Variants in SNTG1 observed in about 807,000 individuals in gnomAD.
The protein encoded by SNTG1 is gamma-1-syntrophin.
SNTG1 carries 39 observed loss-of-function variants against 74.7 expected under a neutral mutation model. The observed-to-expected ratio is 0.52, with a 90% CI of 0.40 to 0.68. SNTG1 has a LOEUF of 0.68. Among genes scored for constraint, SNTG1 ranks in the 30% least tolerant of loss-of-function variants. The pLI is 0.00. For missense variants in SNTG1, 685 were observed against 609.5 expected, an observed-to-expected ratio of 1.12 and a Z score of -1.30; for synonymous variants, 254 against 217.1, an observed-to-expected ratio of 1.17 and a Z score of -1.49.
In SNTG1 at chr8:50,795,361, T is replaced by TTA. The variant is rs960438511; in HGVS notation, c.*2535_*2536dup. 1.3e-5 allele frequency: 2 copies of TTA among 152,122 alleles called. No homozygotes were observed. Among genetic ancestry groups the TTA allele is most frequent in the African/African-American group, 4.8e-5 (2 of 41,462 alleles). The allele number at this position is 152,122 out of a possible 1,614,324, so 9.4% of individuals were successfully genotyped here. A position where few individuals can be genotyped will look rare whatever the true frequency, so the allele number is the denominator to read the frequency against. On this transcript the variant is annotated 3_prime_UTR_variant, in exon 19 of 19. Coordinates refer to ENST00000642720, the MANE Select transcript of SNTG1 (RefSeq NM_018967.5). ...TGTGGTGATTAGTCATTGGCATTTG[T>TTA]TATAACTTGGACTACTTGAATGAGA...
intron 18 of SNTG1, among the ~76,000 whole-genome samples, chr8:50,761,759 T>C (rs1357882860): frequency 6.6e-6 from 1 of 151,992 alleles, no homozygotes; most frequent in African/African-American, 2.4e-5. Context: ...TACAGTTTTA[T>C]GTTTCTGAAT....
At chr8:50,538,903 G>T (rs1416762627) in intron 11 of SNTG1, among the ~76,000 whole-genome samples, 1 of 152,058 alleles carries the variant, frequency 6.6e-6, no homozygotes, top group South Asian at 2.1e-4. Context: ...ATTGGGAAAA[G>T]TTTATTGATC....
At chr8:50,643,630 G>A (rs1563685001) in intron 13 of SNTG1, among the ~76,000 whole-genome samples, 1 of 152,196 alleles carries the variant, frequency 6.6e-6, no homozygotes, top group Admixed American at 6.5e-5. Flanking sequence ...TCCACTTGAA[G>A]CACTTTTTGA....
intron 1 of SNTG1, among the ~76,000 whole-genome samples, chr8:50,156,713 CAAGG>C (rs1490351284): frequency 2.0e-5 from 3 of 151,932 alleles, no homozygotes; most frequent in Non-Finnish European, 4.4e-5. Context: ...GTGTTCTGAT[CAAGG>C]ACCCAGGCAT....
chr8:50,525,879 C>T (rs1219090556), intron 9 of SNTG1, among the ~76,000 whole-genome samples: 1 of 150,632 alleles, frequency 6.6e-6, no homozygotes, highest in Non-Finnish European at 1.5e-5. Context: ...TATTTTGTTT[C>T]TCTGTTGCTT....
chr8:50,223,466 A>G (rs1310386254), intron 2 of SNTG1, among the ~76,000 whole-genome samples: 1 of 152,158 alleles, frequency 6.6e-6, no homozygotes, highest in Non-Finnish European at 1.5e-5. Flanking sequence ...ATATAAAAAT[A>G]TCATAGGAAA....
chr8:50,459,094 T>C lies in SNTG1; in HGVS notation c.363+8365T>C, dbSNP rs1284526581. Among the ~76,000 whole-genome samples the C allele has an allele frequency of 2.0e-5, 3 of 152,176 alleles. No homozygotes were observed. The East Asian group carries it at 5.8e-4, about 29-fold the overall frequency. ...GTTCAATTTTGAGTTAACTTTCGTA[T>C]ACAGTAAGGTAAGGTGTCCCATTTA... On this transcript the variant is annotated intron_variant, in intron 8 of 18. Coordinates refer to ENST00000642720, the MANE Select transcript of SNTG1 (RefSeq NM_018967.5).
intron 5 of SNTG1, among the ~76,000 whole-genome samples, chr8:50,440,188 C>CTTATATT (rs1563389837): frequency 6.6e-6 from 1 of 151,826 alleles, no homozygotes; most frequent in African/African-American, 2.4e-5. Flanking sequence ...TGATCAATAT[C>CTTATATT]TTATATTAGA....
chr8:50,475,409 C>G (rs1056146760), intron 8 of SNTG1, among the ~76,000 whole-genome samples: 35 of 152,196 alleles, frequency 2.3e-4, no homozygotes, highest in African/African-American at 8.2e-4. Context: ...AAACTTTGGG[C>G]CTCCACTGTT....
chr8:50,077,849 T>A (rs1822033917), intron 1 of SNTG1, among the ~76,000 whole-genome samples: 1 of 152,308 alleles, frequency 6.6e-6, no homozygotes, highest in Admixed American at 6.5e-5. Flanking sequence ...TCTGTGTGTG[T>A]ATGCATATGT....
At chr8:50,729,710 T>C (rs1370636585) in intron 17 of SNTG1, among the ~76,000 whole-genome samples, 2 of 152,144 alleles carry the variant, frequency 1.3e-5, no homozygotes, top group African/African-American at 4.8e-5. Context: ...AGGACACACC[T>C]GTATGTAAAG....
chr8:50,013,102 C>A (rs1815969023), intron 1 of SNTG1, among the ~76,000 whole-genome samples: 1 of 152,102 alleles, frequency 6.6e-6, no homozygotes, highest in South Asian at 2.1e-4. Context: ...ACATTTAACA[C>A]AGGCCCAGGC....
intron 1 of SNTG1, among the ~76,000 whole-genome samples, chr8:50,112,764 C>T (rs754249796): frequency 9.2e-5 from 14 of 151,934 alleles, no homozygotes; most frequent in Non-Finnish European, 4.4e-5. Flanking sequence ...CTGCTTCGGC[C>T]TCCTAAAGTG....
At chr8:50,023,403 A>C (rs1816992913) in intron 1 of SNTG1, among the ~76,000 whole-genome samples, 1 of 152,170 alleles carries the variant, frequency 6.6e-6, no homozygotes, top group Non-Finnish European at 1.5e-5. Flanking sequence ...AGAAGGGCAG[A>C]TTTATAAATT....
intron 14 of SNTG1, among the ~76,000 whole-genome samples, chr8:50,657,300 G>T (rs992799585): frequency 2.6e-5 from 4 of 151,948 alleles, no homozygotes. Flanking sequence ...ATCTCATGAC[G>T]ACATGGGAAA....
Position 50,792,750 on chromosome 8 carries a change from C to T in SNTG1, c.1475C>T (p.Pro492Leu). 6.2e-7 allele frequency: 1 copy of T among 1,612,532 alleles called. No homozygotes were observed. The highest frequency in any genetic ancestry group is 1.1e-5 in the South Asian group (1 of 91,022). ...GCTGCCAAGGTAGCTTGTTTGGACC[C>T]TCTATTTTTAGGCAATCAAGCTACT... ...FFAAKVACLDPLFLGNQATAS... is the reference protein window; with the variant it reads ...FFAAKVACLDLLFLGNQATAS... The change falls in exon 19 of 19, where the codon CCT becomes CTT. Residue 492 changes from proline to leucine, a missense_variant. Transcript: ENST00000642720.
At chr8:50,505,682 A>T (rs933104843) in intron 9 of SNTG1, among the ~76,000 whole-genome samples, 2 of 152,124 alleles carry the variant, frequency 1.3e-5, no homozygotes, top group African/African-American at 4.8e-5. Context: ...CAAGTCTACT[A>T]TCCAGTTTTA....
At chr8:50,482,056 C>T (rs749407607) in intron 8 of SNTG1, among the ~76,000 whole-genome samples, 2 of 152,144 alleles carry the variant, frequency 1.3e-5, no homozygotes, top group Non-Finnish European at 2.9e-5. Context: ...TAGCCATTTC[C>T]CAGTCCAGTG....
intron 15 of SNTG1, among the ~76,000 whole-genome samples, chr8:50,671,943 G>A (rs2095285381): frequency 1.4e-5 from 2 of 147,262 alleles, no homozygotes; most frequent in South Asian, 4.3e-4. Flanking sequence ...CTATCGCAAG[G>A]ACAAAAAACT....
Sources: allele counts gnomAD v4.1 joint callset (sites outside exome capture counted in the v4.1 genomes callset), GRCh38; gene constraint gnomAD v4.1.1; transcripts MANE v1.5; gene names NCBI Gene and HGNC (gene_info 2026-07-23, HGNC 2026-07-21).